DNAH14: variants seen among roughly 807,000 people sequenced by gnomAD.
The protein encoded by DNAH14 is axonemal beta dynein heavy chain 14.
In DNAH14, 478 loss-of-function variants were observed where a neutral mutation model predicts 520.9. That is an observed-to-expected ratio of 0.92 (90% CI 0.85 to 0.99). DNAH14 has a LOEUF of 0.99. Among genes scored for constraint, DNAH14 ranks in the 50% least tolerant of loss-of-function variants. The pLI is 0.00. For synonymous variants in DNAH14, 1,581 were observed against 1,757.2 expected, an observed-to-expected ratio of 0.90 and a Z score of 2.51; for missense variants, 4,831 against 5,234.5, an observed-to-expected ratio of 0.92 and a Z score of 2.38.
At chr1:225,309,706 A>C (rs2094320064) in intron 60 of DNAH14, among the ~76,000 whole-genome samples, 1 of 152,190 alleles carries the variant, frequency 6.6e-6, no homozygotes, top group Non-Finnish European at 1.5e-5. Context: ...CATCCTGGCC[A>C]ACATGGTGAA....
intron 82 of DNAH14, 67 bp from the exon 83 acceptor site, chr1:225,389,667 C>T (rs1575158135): frequency 1.3e-6 from 2 of 1,493,468 alleles, no homozygotes; most frequent in East Asian, 2.5e-5. Flanking sequence ...AGGAAATGGC[C>T]CACATCACCC....
intron 8 of DNAH14, among the ~76,000 whole-genome samples, chr1:224,987,106 A>C (rs1262136565): frequency 7.6e-6 from 1 of 131,098 alleles, no homozygotes; most frequent in Non-Finnish European, 1.6e-5. Flanking sequence ...GTGGAGAGAG[A>C]GGAGAGAGAG....
intron 23 of DNAH14, among the ~76,000 whole-genome samples, chr1:225,104,370 G>C (rs1005306295): frequency 6.6e-6 from 1 of 152,110 alleles, no homozygotes; most frequent in Non-Finnish European, 1.5e-5. Context: ...TCTCTGTCAG[G>C]CTTTAGTATC....
At chr1:225,123,506 A>C (rs915925722) in intron 26 of DNAH14, 21 bp from the exon 27 acceptor site, 4 of 409,260 alleles carry the variant, frequency 9.8e-6, no homozygotes, top group African/African-American at 6.2e-5. Context: ...AAATAACATA[A>C]ATAAATTTTT....
rs561574025 is a variant in DNAH14, at chr1:224,942,817, T to C, written c.-33-9853T>C. On this transcript the variant is annotated intron_variant, in intron 1 of 85. Coordinates refer to ENST00000682510, the MANE Select transcript of DNAH14 (RefSeq NM_001367479.1). The stretch of plus-strand genomic sequence containing the variant: ...ATGCTGGATTACATTTATTGATTTG[T>C]GTATGTTGAACCAGCCTTGCATCCC... Among the ~76,000 whole-genome samples the C allele has an allele frequency of 4.7e-3, 719 of 152,292 alleles. 4 individuals carry two copies. The highest frequency in any genetic ancestry group is 0.016 in the African/African-American group (675 of 41,564).
chr1:225,335,063 T>C (rs942933616), intron 66 of DNAH14, among the ~76,000 whole-genome samples: 1 of 149,222 alleles, frequency 6.7e-6, no homozygotes, highest in Non-Finnish European at 1.5e-5. Context: ...TGTACATATA[T>C]GTATATATAA....
chr1:225,239,969 A>G (rs972655872), intron 42 of DNAH14, among the ~76,000 whole-genome samples: 13 of 152,210 alleles, frequency 8.5e-5, no homozygotes, highest in African/African-American at 3.1e-4. Context: ...ATCACCATAG[A>G]ATTTCATGAT....
At chr1:225,101,417 A>G (rs1028999711) in intron 23 of DNAH14, among the ~76,000 whole-genome samples, 6 of 152,074 alleles carry the variant, frequency 3.9e-5, no homozygotes, top group African/African-American at 1.4e-4. Context: ...ATTGTTAGGT[A>G]TGGTCACCCC....
intron 49 of DNAH14, among the ~76,000 whole-genome samples, chr1:225,270,285 A>T (rs2093276002): frequency 7.2e-6 from 1 of 139,822 alleles, no homozygotes; most frequent in Non-Finnish European, 1.5e-5. Context: ...GAACACTTGG[A>T]CACAGAATGG....
At chr1:225,145,804 TATAG>T (rs1436820795) in intron 30 of DNAH14, among the ~76,000 whole-genome samples, 2 of 152,258 alleles carry the variant, frequency 1.3e-5, no homozygotes, top group Admixed American at 1.3e-4. Flanking sequence ...TGAGTGTTTA[TATAG>T]ATAATGATTA....
At chr1:225,219,203 G>A (rs1179585773) in intron 41 of DNAH14, among the ~76,000 whole-genome samples, 4 of 152,122 alleles carry the variant, frequency 2.6e-5, no homozygotes, top group South Asian at 2.1e-4. Flanking sequence ...AAATGCCCAC[G>A]TCAGAAAGCA....
intron 11 of DNAH14, among the ~76,000 whole-genome samples, chr1:225,025,925 C>T (rs896775475): frequency 1.3e-5 from 2 of 151,676 alleles, no homozygotes; most frequent in African/African-American, 4.8e-5. Context: ...TTTGCATGTG[C>T]TTTTTGGCCA....
chr1:225,056,341 A>G (rs1362132619), intron 17 of DNAH14, among the ~76,000 whole-genome samples: 2 of 152,166 alleles, frequency 1.3e-5, no homozygotes, highest in African/African-American at 4.8e-5. Flanking sequence ...TCTTTTGAGA[A>G]GTGTCTGTTC....
intron 27 of DNAH14, among the ~76,000 whole-genome samples, chr1:225,131,011 A>G (rs1049456982): frequency 7.2e-5 from 11 of 152,284 alleles, no homozygotes; most frequent in African/African-American, 2.6e-4. Flanking sequence ...TTTGAAATGC[A>G]TAAGATGGGT....
At chr1:225,020,235 G>T (rs980573841) in intron 10 of DNAH14, among the ~76,000 whole-genome samples, 2 of 151,992 alleles carry the variant, frequency 1.3e-5, no homozygotes, top group African/African-American at 4.8e-5. Context: ...GGTGGCTCAT[G>T]CTTGTAATCC....
chr1:225,030,115 T>C (rs147045451), intron 11 of DNAH14, among the ~76,000 whole-genome samples: 2 of 151,986 alleles, frequency 1.3e-5, no homozygotes, highest in Non-Finnish European at 2.9e-5. Flanking sequence ...AGGTCACAAA[T>C]ATATGGAAAT....
At chr1:225,040,614 C>G (rs1172536161) in intron 12 of DNAH14, among the ~76,000 whole-genome samples, 1 of 152,142 alleles carries the variant, frequency 6.6e-6, no homozygotes, top group East Asian at 1.9e-4. Flanking sequence ...TGTTGATAGA[C>G]ATCTGGGTTA....
At chr1:225,238,303 A>G (rs1574214129) in intron 42 of DNAH14, among the ~76,000 whole-genome samples, 1 of 151,918 alleles carries the variant, frequency 6.6e-6, no homozygotes, top group Non-Finnish European at 1.5e-5. Flanking sequence ...TTTGTGGGGT[A>G]TTTTTGTTGA....
intron 18 of DNAH14, 141 bp from the exon 19 acceptor site, chr1:225,080,238 C>A: frequency 2.3e-6 from 2 of 865,674 alleles, no homozygotes; most frequent in Non-Finnish European, 3.3e-6. Context: ...TTTGTCTGGG[C>A]CAAATGGTAA....
Sources: gnomAD v4.1 joint callset for allele counts (sites outside exome capture counted in the v4.1 genomes callset) on GRCh38, gnomAD v4.1.1 for gene constraint, MANE v1.5 for transcripts, NCBI Gene and HGNC (gene_info 2026-07-23, HGNC 2026-07-21) for gene names.